PHF21B: variants seen among roughly 807,000 people sequenced by gnomAD.
PHF21B encodes PHD finger protein 4.
PHF21B carries 22 observed loss-of-function variants against 62.2 expected under a neutral mutation model. The observed-to-expected ratio is 0.35, with a 90% CI of 0.25 to 0.51. PHF21B has a LOEUF of 0.51. Among genes scored for constraint, PHF21B ranks in the 20% least tolerant of loss-of-function variants. The pLI is 0.97. For synonymous variants in PHF21B, 341 were observed against 314.7 expected (o/e 1.08, Z -0.88); for missense variants, 701 against 707.9 (o/e 0.99, Z 0.11).
At chr22:45,002,236 C>A (rs867827006) in intron 2 of PHF21B, among the ~76,000 whole-genome samples, 1 of 152,126 alleles carries the variant, frequency 6.6e-6, no homozygotes, top group South Asian at 2.1e-4. Context: ...TGTCATTATA[C>A]GTTACATGTG....
chr22:44,985,491 G>A (rs1244875716), intron 2 of PHF21B, among the ~76,000 whole-genome samples: 3 of 152,060 alleles, frequency 2.0e-5, no homozygotes, highest in Non-Finnish European at 4.4e-5. Context: ...TCCCACTTAT[G>A]GGAGGCTGAA....
rs1462917890 is a variant in PHF21B at position 44,946,102 on chromosome 22, G to A, written c.121-25612C>T. On this transcript the variant is annotated intron_variant, in intron 2 of 12. Coordinates refer to ENST00000313237, the MANE Select transcript of PHF21B (RefSeq NM_138415.5). ...TCATCAGGGAGAGTCAGGCCCTGCG[G>A]GAGGGAAGCATGGGGGCTGGGAGGC... is the stretch of plus-strand genomic sequence containing the variant. Among the ~76,000 whole-genome samples the A allele has an allele frequency of 3.3e-5, 5 of 152,250 alleles. No homozygotes were observed. In the East Asian group the frequency reaches 5.8e-4, roughly 18 times the overall value.
chr22:45,005,099 C>G (rs1007758096), intron 2 of PHF21B, among the ~76,000 whole-genome samples: 3 of 152,262 alleles, frequency 2.0e-5, no homozygotes, highest in Non-Finnish European at 4.4e-5. Context: ...AGTATTTACG[C>G]TGGGTCTTTA....
At position 44,929,425 on chromosome 22, in the gene PHF21B, C is replaced by T. The variant is rs558025213; in HGVS notation, c.121-8935G>A. Among the ~76,000 whole-genome samples the T allele has an allele frequency of 3.9e-5, 6 of 152,322 alleles. 1 individual carries two copies. The East Asian group carries it at 5.8e-4, about 15-fold the overall frequency. The stretch of plus-strand genomic sequence containing the variant: ...CAGGAGGGACCAGCAAGGGCCACGG[C>T]GAGTGCATGTGAAAATCCAGGCAAA... On this transcript the variant is annotated intron_variant, in intron 2 of 12. Transcript: ENST00000313237.
In PHF21B at chr22:44,883,102, G is replaced by GGGTTGT. The variant is rs777812878; in HGVS notation, c.1579_1580insACAACC (p.His526_Pro527insHisAsn). 5.8e-5 allele frequency: 93 copies of GGGTTGT among 1,611,208 alleles called. No individual in the cohort carries two copies. The highest frequency in any genetic ancestry group is 4.4e-5 in the South Asian group (4 of 90,966). ...CCCTCGGGGTCAGTTGTGGCCCTGGGGGTGCTGGACGGTGGGGTGTGTGGC... is the reference window on the plus strand; with the variant it reads ...CCCTCGGGGTCAGTTGTGGCCCTGGGGGTTGTGGTGCTGGACGGTGGGGTGTGTGGC... On this transcript the variant is annotated inframe_insertion, in exon 13 of 13. Coordinates refer to ENST00000313237, the MANE Select transcript of PHF21B (RefSeq NM_138415.5).
rs1026195349 is a variant in PHF21B at position 45,009,160 on chromosome 22, C to A, written c.54+336G>T. ...GGCCCGAGGGGAGGCCGGAAGGGGG[C>A]CTATTCGCACTCCCCTCCCCGGGAC... is the stretch of plus-strand genomic sequence containing the variant. On this transcript the variant is annotated intron_variant, in intron 1 of 12. Coordinates refer to ENST00000313237, the MANE Select transcript of PHF21B (RefSeq NM_138415.5). This position sits in a 1 kb window ranked among gnomAD's most constrained non-coding sequence, Gnocchi z 5.9. The A allele has an allele frequency of 4.8e-5, 23 of 474,542 alleles. No homozygotes were observed. Among genetic ancestry groups the A allele is most frequent in the Non-Finnish European group, 7.4e-5 (23 of 312,234 alleles). The allele number at this position is 474,542 out of a possible 1,614,324, so 29.4% of individuals were successfully genotyped here.
At chr22:44,993,702 T>G (rs1237750914) in intron 2 of PHF21B, among the ~76,000 whole-genome samples, 1 of 152,244 alleles carries the variant, frequency 6.6e-6, no homozygotes, top group African/African-American at 2.4e-5. Context: ...TTTACTTTCC[T>G]GCAGGCCAAA....
chr22:45,000,323 C>T (rs904386642), intron 2 of PHF21B, among the ~76,000 whole-genome samples: 12 of 152,116 alleles, frequency 7.9e-5, no homozygotes, highest in African/African-American at 2.7e-4. Flanking sequence ...GACACTGCCC[C>T]ATACATATCA....
chr22:44,991,465 T>C lies in PHF21B; in HGVS notation c.120+17080A>G, dbSNP rs976666259. The stretch of plus-strand genomic sequence containing the variant: ...GCAGACTTGTGACAGATGATCCCAC[T>C]GAGCGTCCTCCCCCAGGGAAGGAGG... On this transcript the variant is annotated intron_variant, in intron 2 of 12. Coordinates refer to ENST00000313237, the MANE Select transcript of PHF21B (RefSeq NM_138415.5). Among the ~76,000 whole-genome samples, 8 of 151,590 alleles carry C rather than the reference T, an allele frequency of 5.3e-5. No individual in the cohort carries two copies. In the East Asian group the frequency reaches 1.4e-3, roughly 26 times the overall value.
chr22:44,977,552 G>A lies in PHF21B; in HGVS notation c.120+30993C>T, dbSNP rs563062510. ...TACACTCCAACCTGGGTGACAGAGCGAGACTGTGTCTCAAAAAAAAAAAAA... is the reference window on the plus strand; with the variant it reads ...TACACTCCAACCTGGGTGACAGAGCAAGACTGTGTCTCAAAAAAAAAAAAA... On this transcript the variant is annotated intron_variant, in intron 2 of 12. Transcript: ENST00000313237. Among the ~76,000 whole-genome samples the A allele has an allele frequency of 1.6e-3, 236 of 150,978 alleles. 2 individuals carry two copies. The highest frequency in any genetic ancestry group is 8.0e-3 in the South Asian group (38 of 4,778).
At chr22:44,921,371 CT>C (rs912400201) in intron 2 of PHF21B, among the ~76,000 whole-genome samples, 26 of 135,022 alleles carry the variant, frequency 1.9e-4, no homozygotes, top group Admixed American at 1.5e-4. Context: ...TTTTTTTTTT[CT>C]TTTTTTTTTT....
At chr22:45,004,410 G>C (rs571976615) in intron 2 of PHF21B, among the ~76,000 whole-genome samples, 1 of 152,218 alleles carries the variant, frequency 6.6e-6, no homozygotes, top group East Asian at 1.9e-4. Flanking sequence ...GGGGATGAAG[G>C]CCACACAGGT....
chr22:44,939,086 GC>G (rs1399402389), intron 2 of PHF21B, among the ~76,000 whole-genome samples: 1 of 152,230 alleles, frequency 6.6e-6, no homozygotes, highest in Non-Finnish European at 1.5e-5. Context: ...ACAAGCGCAG[GC>G]CCTTCCTGCC....
chr22:44,991,978 G>A (rs572899683), intron 2 of PHF21B, among the ~76,000 whole-genome samples: 3 of 152,326 alleles, frequency 2.0e-5, no homozygotes, highest in Non-Finnish European at 4.4e-5. Context: ...GATTTTTGGA[G>A]GCATTAAAGA....
intron 3 of PHF21B, among the ~76,000 whole-genome samples, chr22:44,918,637 C>T (rs948084638): frequency 3.3e-5 from 5 of 152,258 alleles, no homozygotes; most frequent in African/African-American, 1.2e-4. Flanking sequence ...GGGACAGCAG[C>T]AGCTGGTAGC....
chr22:44,937,499 C>T (rs757937435), intron 2 of PHF21B, among the ~76,000 whole-genome samples: 4 of 152,196 alleles, frequency 2.6e-5, no homozygotes, highest in Non-Finnish European at 4.4e-5. Flanking sequence ...GCAGTGCGAA[C>T]ACTTCAAAAA....
At chr22:44,901,837 G>A (rs892143043) in intron 5 of PHF21B, 1 of 274,796 alleles carries the variant, frequency 3.6e-6, no homozygotes, top group Non-Finnish European at 7.2e-6. Flanking sequence ...AGGAGGAGAA[G>A]GTTCTTGCAA....
At chr22:44,913,394 G>A (rs539105957) in intron 5 of PHF21B, among the ~76,000 whole-genome samples, 85 of 152,190 alleles carry the variant, frequency 5.6e-4, no homozygotes, top group Non-Finnish European at 1.0e-3. Flanking sequence ...AGGATGGGGT[G>A]TAGTGGCCAA....
rs931027428 is a variant in PHF21B at position 44,885,587 on chromosome 22, A to T, written c.1274-58T>A. 3.4e-6 allele frequency: 5 copies of T among 1,488,950 alleles called. No homozygotes were observed. In the African/African-American group the frequency reaches 7.0e-5, roughly 21 times the overall value. The allele number at this position is 1,488,950 out of a possible 1,614,324, so 92.2% of individuals were successfully genotyped here. A position where few individuals can be genotyped will look rare whatever the true frequency, so the allele number is the denominator to read the frequency against. On this transcript the variant is annotated intron_variant, in intron 11 of 12. Transcript: ENST00000313237. ...GGCAGGTAAGGAGCGGCTGGGTCGT[A>T]GAGTAAATGGGAGAGGCAGAAGGGA...
Sources: gnomAD v4.1 joint callset for allele counts (sites outside exome capture counted in the v4.1 genomes callset) on GRCh38, gnomAD v4.1.1 for gene constraint, Gnocchi (gnomAD v3.1) non-coding constraint, MANE v1.5 for transcripts, NCBI Gene and HGNC (gene_info 2026-07-23, HGNC 2026-07-21) for gene names.